The following KREMEN1 variants were observed in gnomAD, a reference collection of about 807,000 sequenced individuals.
The protein encoded by KREMEN1 is kringle containing transmembrane protein 1.
KREMEN1 carries 30 observed loss-of-function variants against 46.5 expected under a neutral mutation model. The observed-to-expected ratio is 0.65, with a 90% CI of 0.48 to 0.88. The LOEUF (loss-of-function observed/expected upper bound fraction) is 0.88, where lower values mean the gene tolerates loss of function less well. Among genes scored for constraint, KREMEN1 ranks in the 40% least tolerant of loss-of-function variants. KREMEN1 has a pLI of 0.00. For synonymous variants in KREMEN1, 214 were observed against 230.6 expected (o/e 0.93, Z 0.65); for missense variants, 533 against 596.9 (o/e 0.89, Z 1.11).
chr22:29,137,789 C>A, intron 6 of KREMEN1, 115 bp downstream of exon 6: 2 of 740,272 alleles, frequency 2.7e-6, no homozygotes, highest in Non-Finnish European at 4.1e-6. Flanking sequence ...TCAGGAACTA[C>A]TGACTCAACT....
intron 5 of KREMEN1, among the ~76,000 whole-genome samples, chr22:29,133,262 G>A (rs6006017): frequency 0.039 from 4,579 of 116,408 alleles, 254 homozygotes; most frequent in African/African-American, 0.14. Flanking sequence ...AAAAAAAAAA[G>A]AAAAAAGAAA....
chr22:29,162,478 A>T (rs1483724314), intron 9 of KREMEN1, among the ~76,000 whole-genome samples: 1 of 152,212 alleles, frequency 6.6e-6, no homozygotes, highest in Admixed American at 6.5e-5. Flanking sequence ...GCACTCTGGG[A>T]GGCTGAGGCA....
intron 4 of KREMEN1, among the ~76,000 whole-genome samples, chr22:29,123,835 T>A (rs903121328): frequency 1.3e-5 from 2 of 152,166 alleles, no homozygotes; most frequent in African/African-American, 4.8e-5. Context: ...ATAGTCGACA[T>A]CATTAGCCAT....
At chr22:29,103,820 G>C (rs1301350681) in intron 3 of KREMEN1, among the ~76,000 whole-genome samples, 1 of 152,112 alleles carries the variant, frequency 6.6e-6, no homozygotes, top group Non-Finnish European at 1.5e-5. Flanking sequence ...TACAATAATG[G>C]CGTGGTGGTG....
rs2039041612 is a variant in KREMEN1, at chr22:29,164,998, C to A, written c.1417-2046C>A. On this transcript the variant is annotated intron_variant, in intron 9 of 9. Transcript: ENST00000327813. ...GACCAGCCTGGCCAATATGGTGAAA[C>A]CCCGTCCCTACTAAAAATACAAAAA... Among the ~76,000 whole-genome samples the A allele has an allele frequency of 2.0e-5, 3 of 151,896 alleles. No individual in the cohort carries two copies. In the South Asian group the frequency reaches 6.2e-4, roughly 32 times the overall value.
At position 29,133,402 on chromosome 22, in the gene KREMEN1, G is replaced by A. The variant is rs575491595; in HGVS notation, c.632-3940G>A. Among the ~76,000 whole-genome samples, 151 of 152,106 alleles carry A rather than the reference G, an allele frequency of 9.9e-4. 1 individual carries two copies. Among genetic ancestry groups the A allele is most frequent in the African/African-American group, 3.5e-3 (147 of 41,528 alleles). On this transcript the variant is annotated intron_variant, in intron 5 of 8. Coordinates refer to ENST00000400335, the MANE Select transcript of KREMEN1 (RefSeq NM_001039570.3). ...GCAGCCTCGACCCCCCTGGGCTCAA[G>A]CAATCCTCCTGCCTTAGCCTCCTGA...
chr22:29,117,849 T>C (rs1422165293), intron 3 of KREMEN1, among the ~76,000 whole-genome samples: 1 of 152,232 alleles, frequency 6.6e-6, no homozygotes, highest in Non-Finnish European at 1.5e-5. Flanking sequence ...TCAATAAAGC[T>C]ATATTTAGTA....
At chr22:29,122,563 G>A (rs998398614) in intron 4 of KREMEN1, among the ~76,000 whole-genome samples, 1 of 152,074 alleles carries the variant, frequency 6.6e-6, no homozygotes, top group Non-Finnish European at 1.5e-5. Flanking sequence ...TAATCTAAAC[G>A]TCCATTAACT....
chr22:29,132,149 G>C (rs751645786), intron 5 of KREMEN1, among the ~76,000 whole-genome samples: 2 of 152,096 alleles, frequency 1.3e-5, no homozygotes, highest in Non-Finnish European at 2.9e-5. Flanking sequence ...TGGGATTACA[G>C]GTGTGAGCCA....
In KREMEN1 at chr22:29,161,287, CAT is replaced by C. The variant is rs1367468214; in HGVS notation, c.1417-5756_1417-5755del. On this transcript the variant is annotated intron_variant, in intron 9 of 9. Transcript: ENST00000327813. ...CTTTGGGGGGCCAAGGTGGGCAGAT[CAT>C]GAGGTCAGGAGATCGAGACCATCCT... Among the ~76,000 whole-genome samples, 903 of 151,864 alleles carry C rather than the reference CAT, an allele frequency of 5.9e-3. 5 individuals carry two copies. Among genetic ancestry groups the C allele is most frequent in the African/African-American group, 0.021 (863 of 41,408 alleles).
intron 9 of KREMEN1, among the ~76,000 whole-genome samples, chr22:29,158,750 A>T (rs2038984742): frequency 6.6e-6 from 1 of 152,242 alleles, no homozygotes; most frequent in Non-Finnish European, 1.5e-5. Flanking sequence ...TTGCCAGCCT[A>T]GTGGGAGACC....
intron 1 of KREMEN1, among the ~76,000 whole-genome samples, chr22:29,081,592 A>G (rs1311120439): frequency 2.0e-5 from 3 of 152,100 alleles, no homozygotes; most frequent in Admixed American, 2.0e-4. Flanking sequence ...GTTGGCCACT[A>G]TTTGCTCTTA....
intron 1 of KREMEN1, among the ~76,000 whole-genome samples, chr22:29,090,943 G>A (rs1016203969): frequency 1.3e-5 from 2 of 151,784 alleles, no homozygotes; most frequent in African/African-American, 2.4e-5. Context: ...ATGCCATCTC[G>A]TCTCCATGAG....
intron 5 of KREMEN1, among the ~76,000 whole-genome samples, chr22:29,125,824 T>C (rs2038433303): frequency 6.6e-6 from 1 of 152,128 alleles, no homozygotes; most frequent in Admixed American, 6.6e-5. Context: ...TATATATTAT[T>C]GTGATAGACC....
At chr22:29,080,951 T>C (rs1477744739) in intron 1 of KREMEN1, among the ~76,000 whole-genome samples, 1 of 150,832 alleles carries the variant, frequency 6.6e-6, no homozygotes, top group African/African-American at 2.4e-5. Context: ...CTTTTTTTTT[T>C]TTTTTTTTTT....
chr22:29,078,376 A>G (rs1251198290), intron 1 of KREMEN1, among the ~76,000 whole-genome samples: 1 of 152,164 alleles, frequency 6.6e-6, no homozygotes, highest in African/African-American at 2.4e-5. Context: ...TGGTTTGTTC[A>G]ACTATGCCTG....
chr22:29,143,791 G>A lies in KREMEN1; in HGVS notation c.*1679G>A. The A allele has an allele frequency of 2.0e-6, 2 of 985,050 alleles. No homozygotes were observed. Among genetic ancestry groups the A allele is most frequent in the Non-Finnish European group, 2.4e-6 (2 of 830,072 alleles). The allele number at this position is 985,050 out of a possible 1,614,324, so 61.0% of individuals were successfully genotyped here. On this transcript the variant is annotated 3_prime_UTR_variant, in exon 9 of 9. Coordinates refer to ENST00000400335, the MANE Select transcript of KREMEN1 (RefSeq NM_001039570.3). The stretch of plus-strand genomic sequence containing the variant: ...GCCATCCGTGCTCTCTGCCCCTCCT[G>A]TGGGGACCAAGTGGGGTTAGGAATG...
At chr22:29,098,822 A>G in intron 2 of KREMEN1, 40 bp from the exon 3 acceptor site, 1 of 1,443,784 alleles carries the variant, frequency 6.9e-7, no homozygotes. Flanking sequence ...AGTTGAATTA[A>G]AACATCAGAA....
chr22:29,148,459 G>GT (rs71196635), downstream of KREMEN1, among the ~76,000 whole-genome samples: 2,449 of 143,120 alleles, frequency 0.017, 34 homozygotes, highest in Non-Finnish European at 0.023. Flanking sequence ...TGTTTTTTTT[G>GT]TTTTTTTTTT....
Sources: gnomAD v4.1 joint callset for allele counts (sites outside exome capture counted in the v4.1 genomes callset) on GRCh38, gnomAD v4.1.1 for gene constraint, MANE v1.5 for transcripts, NCBI Gene and HGNC (gene_info 2026-07-23, HGNC 2026-07-21) for gene names.